Variants in DNM2 observed in about 807,000 individuals in gnomAD.
The protein encoded by DNM2 is dynamin 2.
Under a neutral mutation model 99.0 loss-of-function variants are expected in DNM2, and 15 were observed. That is an observed-to-expected ratio of 0.15 (90% CI 0.10 to 0.23). The LOEUF (loss-of-function observed/expected upper bound fraction) is 0.23. DNM2 is among the 10% of genes least tolerant of loss of function. The pLI is 1.00. For synonymous variants in DNM2, 525 were observed against 481.2 expected (o/e 1.09, Z -1.19); for missense variants, 742 against 1,189.4 (o/e 0.62, Z 5.53).
At chr19:10,751,187 C>T (rs973639271) in intron 1 of DNM2, among the ~76,000 whole-genome samples, 4 of 151,920 alleles carry the variant, frequency 2.6e-5, no homozygotes, top group African/African-American at 4.8e-5. Context: ...GTCATTCGAG[C>T]GGAATCACTC....
chr19:10,742,750 G>C (rs751722323), intron 1 of DNM2, among the ~76,000 whole-genome samples: 1 of 152,106 alleles, frequency 6.6e-6, no homozygotes, highest in Non-Finnish European at 1.5e-5. Context: ...GGTCAGGAGG[G>C]CTGCTCTTAG....
At chr19:10,777,654 G>T (rs1008697084) in intron 5 of DNM2, among the ~76,000 whole-genome samples, 1 of 152,050 alleles carries the variant, frequency 6.6e-6, no homozygotes, top group Non-Finnish European at 1.5e-5. Context: ...TAGTACAGTG[G>T]CACAATCTCA....
At chr19:10,809,263 TTTCC>T (rs747241030) in intron 14 of DNM2, 1 of 152,286 alleles carries the variant, frequency 6.6e-6, no homozygotes, top group Non-Finnish European at 1.5e-5. Context: ...CAGGAGCCTC[TTTCC>T]TAGATGCTGC....
chr19:10,777,912 A>G (rs527536767), intron 5 of DNM2, among the ~76,000 whole-genome samples: 1 of 151,252 alleles, frequency 6.6e-6, no homozygotes, highest in South Asian at 2.1e-4. Context: ...AGCATTTTCA[A>G]ACATTCCCAA....
At position 10,831,834 on chromosome 19, in the gene DNM2, T is replaced by C; in HGVS notation, c.*787T>C. ...AGACCTCACCCACTCCTCGCTCAGT[T>C]TGACCACTGTAAGTGCCTGCACTCT... On this transcript the variant is annotated 3_prime_UTR_variant, in exon 21 of 21. Transcript: ENST00000389253. This position sits in a 1 kb window ranked among gnomAD's most constrained non-coding sequence, Gnocchi z 4.3. 1 of 991,522 alleles carries C rather than the reference T, an allele frequency of 1.0e-6. No individual in the cohort carries two copies. The highest frequency in any genetic ancestry group is 1.2e-6 in the Non-Finnish European group (1 of 833,584). 61.4% of individuals were successfully genotyped at this position (991,522 alleles called of 1,614,324 possible). A position where few individuals can be genotyped will look rare whatever the true frequency, so the allele number is the denominator to read the frequency against.
At chr19:10,783,252 G>T (rs900021482) in intron 6 of DNM2, 132 bp downstream of exon 6, 3 of 1,398,856 alleles carry the variant, frequency 2.1e-6, no homozygotes, top group Non-Finnish European at 2.9e-6. Context: ...TCCACATTTA[G>T]CCTAGGAGTT....
chr19:10,806,034 C>T lies in DNM2; in HGVS notation c.1545+67C>T, dbSNP rs554051547. Reference sequence around the variant, plus strand: ...GGGAGGACGCTAAGTGACAGCTAAGCCCCCGTGATGGAGCTCGGCCTGTGT... The same window carrying T: ...GGGAGGACGCTAAGTGACAGCTAAGTCCCCGTGATGGAGCTCGGCCTGTGT... On this transcript the variant is annotated intron_variant, in intron 13 of 20. Coordinates refer to ENST00000389253, the MANE Select transcript of DNM2 (RefSeq NM_001005361.3). 2.0e-4 allele frequency: 317 copies of T among 1,602,278 alleles called. 3 individuals are homozygous for T. In the South Asian group the frequency reaches 3.1e-3, roughly 16 times the overall value.
chr19:10,787,293 C>T (rs1300586510), intron 7 of DNM2, among the ~76,000 whole-genome samples: 1 of 151,672 alleles, frequency 6.6e-6, no homozygotes, highest in Non-Finnish European at 1.5e-5. Context: ...GGTGAAACCC[C>T]ATCACTACCA....
chr19:10,802,730 A>T, intron 12 of DNM2: 2 of 355,058 alleles, frequency 5.6e-6, no homozygotes, highest in Non-Finnish European at 1.1e-5. Flanking sequence ...CATGGACAGC[A>T]TCTCATGGGC....
intron 7 of DNM2, among the ~76,000 whole-genome samples, chr19:10,786,908 G>A (rs2071579318): frequency 6.6e-6 from 1 of 152,238 alleles, no homozygotes; most frequent in African/African-American, 2.4e-5. Flanking sequence ...CCCTGCCCCT[G>A]GAGTGCTCAG....
chr19:10,760,910 G>A (rs778813863), intron 2 of DNM2, among the ~76,000 whole-genome samples: 16 of 143,920 alleles, frequency 1.1e-4, no homozygotes, highest in South Asian at 2.2e-4. Context: ...ATCCTCCTGC[G>A]TCAGCTTCCC....
intron 1 of DNM2, among the ~76,000 whole-genome samples, chr19:10,740,097 A>G (rs2069688449): frequency 6.6e-6 from 1 of 151,798 alleles, no homozygotes; most frequent in Non-Finnish European, 1.5e-5. Flanking sequence ...TTTATTTCTG[A>G]AAGGTTGGTA....
rs1268358164 is a variant in DNM2, at chr19:10,744,474, G to T, written c.162-15264G>T. ...TCCCCATCACCCCGGGAGAGTCTCGGGGTGGAGGGAACTAGAACGTGTTTG... is the reference window on the plus strand; with the variant it reads ...TCCCCATCACCCCGGGAGAGTCTCGTGGTGGAGGGAACTAGAACGTGTTTG... On this transcript the variant is annotated intron_variant, in intron 1 of 20. Transcript: ENST00000389253. Among the ~76,000 whole-genome samples, 4 of 152,232 alleles carry T rather than the reference G, an allele frequency of 2.6e-5. No individual in the cohort carries two copies. The South Asian group carries it at 8.3e-4, about 32-fold the overall frequency.
At chr19:10,755,635 T>C (rs2070355603) in intron 1 of DNM2, 1 of 150,934 alleles carries the variant, frequency 6.6e-6, no homozygotes, top group Admixed American at 6.6e-5. Flanking sequence ...CAGGGTTTTT[T>C]TTTGTCTTTT....
Position 10,812,749 on chromosome 19 carries a change from T to C in DNM2, c.1671+372T>C. Among the ~76,000 whole-genome samples the C allele has an allele frequency of 6.6e-6, 1 of 152,154 alleles. No homozygotes were observed. Among genetic ancestry groups the C allele is most frequent in the Non-Finnish European group, 1.5e-5 (1 of 68,032 alleles). ...TTGCAGTGAGCCGAGATTGCGCCAC[T>C]GCACTCCAGCCTGGGCGAGAGAGCG... On this transcript the variant is annotated intron_variant, in intron 15 of 20. Transcript: ENST00000389253. The surrounding 1 kb of genome is among the most constrained non-coding windows in gnomAD (Gnocchi z 4.0).
chr19:10,770,555 TG>T (rs1227786134), intron 2 of DNM2, among the ~76,000 whole-genome samples: 21 of 152,194 alleles, frequency 1.4e-4, no homozygotes, highest in African/African-American at 4.6e-4. Context: ...ATTTTCATGC[TG>T]CTGATAAAGA....
rs2072554245 is a variant in DNM2 at position 10,811,777 on chromosome 19, A to C, written c.1558-487A>C. ...GCCTGAAACCCTGATGTGTCAGTCA[A>C]AAGGATGACCACCAGGCTTGCAGCC... On this transcript the variant is annotated intron_variant, in intron 14 of 20. Coordinates refer to ENST00000389253, the MANE Select transcript of DNM2 (RefSeq NM_001005361.3). The surrounding 1 kb of genome is among the most constrained non-coding windows in gnomAD (Gnocchi z 5.4). The C allele has an allele frequency of 1.9e-6, 1 of 518,602 alleles. No individual in the cohort carries two copies. Among genetic ancestry groups the C allele is most frequent in the Non-Finnish European group, 3.8e-6 (1 of 259,794 alleles). The allele number at this position is 518,602 out of a possible 1,614,324, so 32.1% of individuals were successfully genotyped here. A position where few individuals can be genotyped will look rare whatever the true frequency, so the allele number is the denominator to read the frequency against.
chr19:10,820,577 C>T lies in DNM2; in HGVS notation c.1781+488C>T, dbSNP rs1174122701. Reference sequence around the variant, plus strand: ...TGAGAGAGAAAGGCACCAATTGTGACCCTGAGTACGTGGGCCTGAGCTCCT... The same window carrying T: ...TGAGAGAGAAAGGCACCAATTGTGATCCTGAGTACGTGGGCCTGAGCTCCT... On this transcript the variant is annotated intron_variant, in intron 16 of 20. Coordinates refer to ENST00000389253, the MANE Select transcript of DNM2 (RefSeq NM_001005361.3). This position sits in a 1 kb window ranked among gnomAD's most constrained non-coding sequence, Gnocchi z 4.3. Among the ~76,000 whole-genome samples, 1 of 152,234 alleles carries T rather than the reference C, an allele frequency of 6.6e-6. No individual in the cohort carries two copies. Among genetic ancestry groups the T allele is most frequent in the Non-Finnish European group, 1.5e-5 (1 of 68,034 alleles).
intron 3 of DNM2, among the ~76,000 whole-genome samples, chr19:10,774,806 TAA>T (rs1244462326): frequency 1.3e-5 from 2 of 151,156 alleles, no homozygotes; most frequent in East Asian, 3.9e-4. Flanking sequence ...AGACAGGGTT[TAA>T]CACTGTTGGC....
Sources: gnomAD v4.1 joint callset for allele counts (sites outside exome capture counted in the v4.1 genomes callset) on GRCh38, gnomAD v4.1.1 for gene constraint, Gnocchi (gnomAD v3.1) non-coding constraint, MANE v1.5 for transcripts, NCBI Gene and HGNC (gene_info 2026-07-23, HGNC 2026-07-21) for gene names.